Variants in REC114 observed in about 807,000 individuals in gnomAD.
REC114 encodes meiotic recombination protein REC114.
Under a neutral mutation model 31.3 loss-of-function variants are expected in REC114, and 27 were observed. That is an observed-to-expected ratio of 0.86 (90% CI 0.64 to 1.19). The LOEUF is 1.19. Ranked by LOEUF, REC114 falls within the 50% of genes most tolerant of loss-of-function variation. The pLI, the probability that REC114 is intolerant of heterozygous loss-of-function variation, is 0.00. For missense variants in REC114, 344 were observed against 326.9 expected, an observed-to-expected ratio of 1.05 and a Z score of -0.40; for synonymous variants, 134 against 127.7, an observed-to-expected ratio of 1.05 and a Z score of -0.33.
chr15:73,556,457 C>T, intron 5 of REC114, 66 bp downstream of exon 5: 1 of 1,335,872 alleles, frequency 7.5e-7, no homozygotes, highest in East Asian at 2.4e-5. Flanking sequence ...AATTTGTATC[C>T]CTTTGTTCAA....
chr15:73,557,045 A>G (rs1389639951), intron 5 of REC114, among the ~76,000 whole-genome samples: 1 of 149,626 alleles, frequency 6.7e-6, no homozygotes, highest in Non-Finnish European at 1.5e-5. Flanking sequence ...TGTGAAGTTC[A>G]TCAATCTTCA....
intron 2 of REC114, among the ~76,000 whole-genome samples, chr15:73,529,648 T>G (rs976375936): frequency 1.3e-5 from 2 of 152,154 alleles, no homozygotes; most frequent in African/African-American, 4.8e-5. Context: ...GTTTGAAAAC[T>G]TAGAGTTTAA....
intron 4 of REC114, among the ~76,000 whole-genome samples, chr15:73,553,505 G>A (rs974817209): frequency 2.0e-5 from 3 of 152,126 alleles, no homozygotes; most frequent in African/African-American, 7.2e-5. Context: ...CCCAGTGTAT[G>A]GAGTGTAACA....
chr15:73,529,148 T>A lies in REC114; in HGVS notation c.250-11337T>A, dbSNP rs577244012. ...ATTATTTATTTATTTATTTTATTTT[T>A]TTTTTTGGAGACAGAGTCTCGCTCT... is the stretch of plus-strand genomic sequence containing the variant. On this transcript the variant is annotated intron_variant, in intron 2 of 5. Transcript: ENST00000331090. Among the ~76,000 whole-genome samples the A allele has an allele frequency of 2.6e-4, 39 of 151,674 alleles. 1 individual carries two copies. Among genetic ancestry groups the A allele is most frequent in the African/African-American group, 7.7e-4 (32 of 41,460 alleles).
intron 1 of REC114, among the ~76,000 whole-genome samples, 200 bp from the exon 2 acceptor site, chr15:73,473,632 A>G (rs1893165737): frequency 6.6e-6 from 1 of 152,134 alleles, no homozygotes; most frequent in Non-Finnish European, 1.5e-5. Context: ...TTATTTTTTA[A>G]AAGTCTGGCT....
intron 2 of REC114, among the ~76,000 whole-genome samples, chr15:73,501,250 T>G (rs2141308435): frequency 6.6e-6 from 1 of 152,332 alleles, no homozygotes; most frequent in South Asian, 2.1e-4. Flanking sequence ...TAACTAAAGT[T>G]TAAAAGAAAC....
rs150749047 is a variant in REC114, at chr15:73,549,313, A to T, written c.334-1625A>T. ...CACTTATTTGTGGGATCTAAAAATC[A>T]AAACAATTGAACTCGTGGAGATAAA... is the stretch of plus-strand genomic sequence containing the variant. On this transcript the variant is annotated intron_variant, in intron 3 of 5. Transcript: ENST00000331090. Among the ~76,000 whole-genome samples, 504 of 152,362 alleles carry T rather than the reference A, an allele frequency of 3.3e-3. 2 individuals carry two copies. The highest frequency in any genetic ancestry group is 0.011 in the African/African-American group (456 of 41,580).
At chr15:73,551,983 G>T (rs1894399473) in intron 4 of REC114, among the ~76,000 whole-genome samples, 1 of 152,182 alleles carries the variant, frequency 6.6e-6, no homozygotes, top group Non-Finnish European at 1.5e-5. Context: ...ATTACCTGAT[G>T]AAATGTGTCA....
chr15:73,555,171 C>T (rs1234048273), intron 4 of REC114, among the ~76,000 whole-genome samples: 1 of 152,188 alleles, frequency 6.6e-6, no homozygotes, highest in African/African-American at 2.4e-5. Flanking sequence ...GGACAGAAGA[C>T]AGAATTTGGC....
intron 3 of REC114, among the ~76,000 whole-genome samples, chr15:73,546,478 TTAAA>T (rs1894309891): frequency 2.0e-5 from 3 of 152,124 alleles, no homozygotes; most frequent in Admixed American, 6.6e-5. Context: ...AGGGGGCCAG[TTAAA>T]TAAAGGAATA....
At chr15:73,542,572 C>G (rs1481347975) in intron 3 of REC114, among the ~76,000 whole-genome samples, 1 of 152,050 alleles carries the variant, frequency 6.6e-6, no homozygotes, top group Admixed American at 6.6e-5. Context: ...ACCCACAACC[C>G]CCAGAAGATG....
At chr15:73,540,345 C>G (rs144701878) in intron 2 of REC114, 140 bp from the exon 3 acceptor site, 11 of 718,024 alleles carry the variant, frequency 1.5e-5, no homozygotes, top group Non-Finnish European at 2.8e-5. Context: ...TCCTTGGCAA[C>G]TGGTTTTATT....
intron 2 of REC114, among the ~76,000 whole-genome samples, chr15:73,479,799 G>A (rs1317219335): frequency 1.3e-5 from 2 of 152,092 alleles, no homozygotes; most frequent in African/African-American, 4.8e-5. Flanking sequence ...GTGTGTATAT[G>A]TACCTATATA....
chr15:73,547,754 C>G (rs915938926), intron 3 of REC114, among the ~76,000 whole-genome samples: 1 of 152,108 alleles, frequency 6.6e-6, no homozygotes, highest in Non-Finnish European at 1.5e-5. Context: ...GCTAGCCATA[C>G]ACAGAAATAC....
Position 73,535,889 on chromosome 15 carries a change from G to A in REC114, c.250-4596G>A, listed in dbSNP as rs979312402. On this transcript the variant is annotated intron_variant, in intron 2 of 5. Transcript: ENST00000331090. ...TAACACCGCATATCTACAACTATCTGATCTTTGACAAACCTGAGAAAAACA... is the reference window on the plus strand; with the variant it reads ...TAACACCGCATATCTACAACTATCTAATCTTTGACAAACCTGAGAAAAACA... Among the ~76,000 whole-genome samples, 87 of 151,446 alleles carry A rather than the reference G, an allele frequency of 5.7e-4. 1 individual carries two copies. Among genetic ancestry groups the A allele is most frequent in the African/African-American group, 1.9e-3 (78 of 41,282 alleles).
chr15:73,470,335 T>C (rs73442081), intron 1 of REC114, among the ~76,000 whole-genome samples: 11,367 of 152,272 alleles, frequency 0.075, 736 homozygotes, highest in African/African-American at 0.18. Context: ...CATGTAATTA[T>C]TATTTCCTGC....
At chr15:73,559,607 A>G (rs1466193886) in intron 5 of REC114, 145 bp from the exon 6 acceptor site, 1 of 576,208 alleles carries the variant, frequency 1.7e-6, no homozygotes, top group Admixed American at 4.0e-5. Context: ...AAAACTATGT[A>G]AAGGAAGCCT....
chr15:73,476,678 T>G (rs1893219477), intron 2 of REC114, among the ~76,000 whole-genome samples: 1 of 152,360 alleles, frequency 6.6e-6, no homozygotes, highest in Non-Finnish European at 1.5e-5. Flanking sequence ...CAGTATAATT[T>G]GAGATTCATC....
Position 73,556,327 on chromosome 15 carries a change from A to G in REC114, c.572A>G (p.Gln191Arg). Residue 191 changes from glutamine to arginine, a missense_variant, in exon 5 of 6, where the codon CAA becomes CGA. By Grantham distance (43) the Gln-to-Arg change is conservative (BLOSUM62 1). Transcript: ENST00000331090. ...PGSHQHSEQQ[Q>R]VCVTAGTGAP... is the part of the protein sequence containing the mutation. The stretch of plus-strand genomic sequence containing the variant: ...TCCCACCAGCACTCAGAACAACAGC[A>G]AGTGTGTGTAACAGCGGGCACAGGC... The G allele has an allele frequency of 1.2e-6, 2 of 1,613,830 alleles. No homozygotes were observed. Among genetic ancestry groups the G allele is most frequent in the East Asian group, 4.5e-5 (2 of 44,878 alleles).
Sources: allele counts gnomAD v4.1 joint callset (sites outside exome capture counted in the v4.1 genomes callset), GRCh38; gene constraint gnomAD v4.1.1; transcripts MANE v1.5; gene names NCBI Gene and HGNC (gene_info 2026-07-23, HGNC 2026-07-21).